Variants in FOLH1 observed in about 807,000 individuals in gnomAD.
FOLH1 encodes folate hydrolase 1, also known as glutamate carboxypeptidase 2.
Under a neutral mutation model 93.9 loss-of-function variants are expected in FOLH1, and 54 were observed. That is an observed-to-expected ratio of 0.57 (90% CI 0.46 to 0.72). FOLH1 has a LOEUF of 0.72. Ranked by LOEUF, FOLH1 falls within the 30% of genes least tolerant of loss-of-function variation. The probability of loss-of-function intolerance (pLI) is 0.00; values close to 1 mark genes in which losing one functional copy is unlikely to be tolerated. For synonymous variants in FOLH1, 249 were observed against 303.6 expected (o/e 0.82, Z 1.87); for missense variants, 571 against 892.5 (o/e 0.64, Z 4.59).
At chr11:49,206,596 A>G (rs893502083) in intron 1 of FOLH1, among the ~76,000 whole-genome samples, 7 of 152,272 alleles carry the variant, frequency 4.6e-5, no homozygotes, top group African/African-American at 2.4e-5. Context: ...ATACATTTTT[A>G]TAACGAATTA....
chr11:49,186,026 A>G, intron 5 of FOLH1, 171 bp from the exon 6 acceptor site: 1 of 970,746 alleles, frequency 1.0e-6, no homozygotes, highest in East Asian at 3.2e-5. Context: ...TCTTTTTGCT[A>G]CTATAAGCTC....
At chr11:49,199,814 G>A (rs777978594) in intron 3 of FOLH1, among the ~76,000 whole-genome samples, 3 of 152,028 alleles carry the variant, frequency 2.0e-5, no homozygotes, top group South Asian at 2.1e-4. Flanking sequence ...AGGAGACTGA[G>A]GAAGGAGAAT....
At chr11:49,200,533 C>T (rs1250939015) in intron 2 of FOLH1, 92 bp from the exon 3 acceptor site, 3 of 1,375,938 alleles carry the variant, frequency 2.2e-6, no homozygotes, top group Middle Eastern at 2.0e-4. Context: ...CACAAAAGTA[C>T]TTTGAAGTGT....
chr11:49,155,865 CT>C (rs1856977842), intron 15 of FOLH1, among the ~76,000 whole-genome samples: 1 of 125,944 alleles, frequency 7.9e-6, no homozygotes, highest in Admixed American at 9.3e-5. Flanking sequence ...GGAATCATGA[CT>C]TTTACACGTA....
At chr11:49,169,152 C>T in intron 12 of FOLH1, 43 bp downstream of exon 12, 1 of 1,595,656 alleles carries the variant, frequency 6.3e-7, no homozygotes, top group Admixed American at 1.7e-5. Flanking sequence ...ACTGCTGCTC[C>T]TAGTTTAATC....
intron 15 of FOLH1, among the ~76,000 whole-genome samples, chr11:49,156,213 G>A (rs565488670): frequency 9.9e-4 from 150 of 151,818 alleles, no homozygotes; most frequent in Non-Finnish European, 1.8e-3. Flanking sequence ...CCCAGTCTCG[G>A]GTATGTCTTT....
intron 17 of FOLH1, among the ~76,000 whole-genome samples, chr11:49,150,575 C>T (rs1856394961): frequency 6.6e-6 from 1 of 152,038 alleles, no homozygotes; most frequent in Admixed American, 6.6e-5. Context: ...TAATAATATT[C>T]CTTTTATTTT....
Position 49,146,714 on chromosome 11 carries a change from A to T in FOLH1, c.*42T>A. On this transcript the variant is annotated 3_prime_UTR_variant, in exon 19 of 19. Transcript: ENST00000256999. ...TACCCATTACGATTCTTTCTGAGTG[A>T]CATACCACACAAATTCAATACGGAT... is the stretch of plus-strand genomic sequence containing the variant. 1 of 1,551,760 alleles carries T rather than the reference A, an allele frequency of 6.4e-7. No individual in the cohort carries two copies. The highest frequency in any genetic ancestry group is 8.7e-7 in the Non-Finnish European group (1 of 1,149,404).
chr11:49,171,413 T>A (rs1859267409), intron 10 of FOLH1, 136 bp from the exon 11 acceptor site: 2 of 1,222,970 alleles, frequency 1.6e-6, no homozygotes, highest in Admixed American at 3.0e-5. Flanking sequence ...AAAAAATCTT[T>A]ACTTACGTAA....
At chr11:49,153,561 T>C (rs1009548425) in intron 17 of FOLH1, among the ~76,000 whole-genome samples, 1 of 152,076 alleles carries the variant, frequency 6.6e-6, no homozygotes, top group Non-Finnish European at 1.5e-5. Flanking sequence ...AGCGGCACAA[T>C]TGCCACTCAG....
rs1855736227 is a variant in FOLH1, at chr11:49,145,253, A to T, written c.*1503T>A. Among the ~76,000 whole-genome samples, 1 of 152,154 alleles carries T rather than the reference A, an allele frequency of 6.6e-6. No homozygotes were observed. Among genetic ancestry groups the T allele is most frequent in the Non-Finnish European group, 1.5e-5 (1 of 68,034 alleles). ...ATGTTAAACTTTGTGAGTAGAAGGCATTGGAGAGATGTTCCAAGAGGGTGC... is the reference window on the plus strand; with the variant it reads ...ATGTTAAACTTTGTGAGTAGAAGGCTTTGGAGAGATGTTCCAAGAGGGTGC... On this transcript the variant is annotated 3_prime_UTR_variant, in exon 19 of 19. Coordinates refer to ENST00000256999, the MANE Select transcript of FOLH1 (RefSeq NM_004476.3).
Position 49,175,931 on chromosome 11 carries a change from T to C in FOLH1, c.947A>G (p.Asp316Gly), listed in dbSNP as rs753543878. ...LEKMGGSAPP[D>G]SSWRGSLKVP... ...TTTGAGACTTCCTCTCCAGCTGCTA[T>C]CTGGTGGTGCTGAGCCACCCATTTT... The change falls in exon 8 of 19, where the codon GAT becomes GGT. Residue 316 changes from aspartate (D) to glycine (G), a missense_variant. By Grantham distance (94) the Asp-to-Gly change is moderately conservative. This residue lies in a region of FOLH1 where 500 missense variants were observed against 822.9 expected (regional missense o/e 0.61). Transcript: ENST00000256999. The C allele has an allele frequency of 6.2e-7, 1 of 1,613,656 alleles. No individual in the cohort carries two copies. Among genetic ancestry groups the C allele is most frequent in the East Asian group, 2.2e-5 (1 of 44,864 alleles).
chr11:49,188,798 G>T (rs1861702971), intron 4 of FOLH1, among the ~76,000 whole-genome samples: 1 of 152,110 alleles, frequency 6.6e-6, no homozygotes. Context: ...AGGAATGAAA[G>T]ATTTGTTATG....
intron 3 of FOLH1, among the ~76,000 whole-genome samples, chr11:49,195,210 C>T (rs924290828): frequency 6.6e-6 from 1 of 152,112 alleles, no homozygotes; most frequent in African/African-American, 2.4e-5. Flanking sequence ...GTCCTACAAA[C>T]CACATTATCT....
chr11:49,149,045 G>C (rs192322018), intron 17 of FOLH1, among the ~76,000 whole-genome samples: 19 of 152,126 alleles, frequency 1.2e-4, no homozygotes, highest in African/African-American at 4.6e-4. Context: ...CTCACTCATA[G>C]GTGGGAATTG....
chr11:49,182,096 A>G (rs1449365073), intron 7 of FOLH1, among the ~76,000 whole-genome samples: 1 of 152,074 alleles, frequency 6.6e-6, no homozygotes, highest in African/African-American at 2.4e-5. Flanking sequence ...TGGGAGGCCA[A>G]GGAGGGCGGA....
At chr11:49,194,132 C>CAAAAA (rs55656827) in intron 3 of FOLH1, among the ~76,000 whole-genome samples, 65 of 71,476 alleles carry the variant, frequency 9.1e-4, no homozygotes, top group South Asian at 1.6e-3. Context: ...GCCTGGGTGA[C>CAAAAA]AAAAAAAAAA....
At chr11:49,168,108 G>A (rs549350649) in intron 12 of FOLH1, among the ~76,000 whole-genome samples, 1 of 147,434 alleles carries the variant, frequency 6.8e-6, no homozygotes, top group East Asian at 1.9e-4. Context: ...GAATCTAGGA[G>A]TGAATAAGCA....
chr11:49,191,674 A>C (rs1259696506), intron 4 of FOLH1, among the ~76,000 whole-genome samples: 1 of 152,114 alleles, frequency 6.6e-6, no homozygotes, highest in African/African-American at 2.4e-5. Context: ...CAGAAACATA[A>C]ACGGTTTAAC....
Sources: allele counts gnomAD v4.1 joint callset (sites outside exome capture counted in the v4.1 genomes callset), GRCh38; gene constraint gnomAD v4.1.1; regional missense constraint gnomAD v4.1.1; transcripts MANE v1.5; gene names NCBI Gene and HGNC (gene_info 2026-07-23, HGNC 2026-07-21).